Variants in RBM27 observed in about 807,000 individuals in gnomAD.
The protein encoded by RBM27 is RNA binding motif protein 27.
RBM27 carries 22 observed loss-of-function variants against 135.3 expected under a neutral mutation model. The observed-to-expected ratio is 0.16, with a 90% CI of 0.12 to 0.23. The LOEUF (loss-of-function observed/expected upper bound fraction) is 0.23, where lower values mean the gene tolerates loss of function less well. Among genes scored for constraint, RBM27 ranks in the 10% least tolerant of loss-of-function variants. The pLI, the probability that RBM27 is intolerant of heterozygous loss-of-function variation, is 1.00. For missense variants in RBM27, 1,009 were observed against 1,281.0 expected, an observed-to-expected ratio of 0.79 and a Z score of 3.24; for synonymous variants, 481 against 442.4, an observed-to-expected ratio of 1.09 and a Z score of -1.10.
intron 1 of RBM27, among the ~76,000 whole-genome samples, chr5:146,211,317 A>G (rs149918148): frequency 5.6e-4 from 85 of 152,148 alleles, no homozygotes; most frequent in African/African-American, 1.7e-3. Flanking sequence ...AGTCTAAGGT[A>G]TTTTGTTATA....
At position 146,263,619 on chromosome 5, in the gene RBM27, A is replaced by G; in HGVS notation, c.2319A>G (p.Gly773=). The part of the protein sequence containing the change: ...SHLLNQSGGA[G]EDCQIFSTPG... ...TGTTGAATCAGTCTGGTGGTGCTGGAGAAGATTGCCAGGTATGCATTTTTG... is the reference window on the plus strand; with the variant it reads ...TGTTGAATCAGTCTGGTGGTGCTGGGGAAGATTGCCAGGTATGCATTTTTG... The change falls in exon 14 of 21, where the codon GGA becomes GGG. Residue 773 remains glycine, a synonymous_variant. Coordinates refer to ENST00000265271, the MANE Select transcript of RBM27 (RefSeq NM_018989.2). 6.2e-7 allele frequency: 1 copy of G among 1,613,746 alleles called. No homozygotes were observed. The highest frequency in any genetic ancestry group is 8.5e-7 in the Non-Finnish European group (1 of 1,179,916).
intron 1 of RBM27, among the ~76,000 whole-genome samples, chr5:146,211,504 G>A (rs1429991959): frequency 1.1e-5 from 1 of 87,774 alleles, no homozygotes; most frequent in African/African-American, 3.6e-5. Context: ...TACTTTGAGA[G>A]GAGTTTCGCT....
intron 10 of RBM27, among the ~76,000 whole-genome samples, chr5:146,258,078 C>G (rs1392695477): frequency 1.3e-5 from 2 of 152,106 alleles, no homozygotes; most frequent in African/African-American, 2.4e-5. Flanking sequence ...CTCGGCCTCC[C>G]AAAGTGCTGG....
chr5:146,282,319 G>T (rs932118377), intron 19 of RBM27, among the ~76,000 whole-genome samples: 6 of 152,110 alleles, frequency 3.9e-5, no homozygotes, highest in Non-Finnish European at 5.9e-5. Flanking sequence ...TCCTCTTACT[G>T]ATGGATGTTT....
chr5:146,232,281 A>G (rs1756971218), intron 6 of RBM27, among the ~76,000 whole-genome samples: 1 of 152,186 alleles, frequency 6.6e-6, no homozygotes, highest in South Asian at 2.1e-4. Context: ...ATAGAGTCAA[A>G]TTATAATTCA....
At chr5:146,284,219 G>A (rs929380220) in intron 19 of RBM27, among the ~76,000 whole-genome samples, 1 of 152,120 alleles carries the variant, frequency 6.6e-6, no homozygotes, top group African/African-American at 2.4e-5. Flanking sequence ...GATGCAGTGA[G>A]ATGAATAAGC....
chr5:146,223,567 G>T (rs770321524), intron 3 of RBM27, 40 bp downstream of exon 3: 10 of 1,581,304 alleles, frequency 6.3e-6, no homozygotes, highest in Admixed American at 5.8e-5. Context: ...GGGCTTCTTA[G>T]ATCCTGTCAC....
rs990884103 is a variant in RBM27 at position 146,286,042 on chromosome 5, A to G, written c.*12A>G. 2.5e-6 allele frequency: 4 copies of G among 1,588,372 alleles called. No homozygotes were observed. The African/African-American group carries it at 4.1e-5, about 16-fold the overall frequency. ...CATGGCGAAGATGAAATCTGATGCT[A>G]GCTGTATAATTTTTAGGAATATTGT... On this transcript the variant is annotated 3_prime_UTR_variant, in exon 21 of 21. Transcript: ENST00000265271.
chr5:146,243,884 G>A (rs1757510745), intron 8 of RBM27, among the ~76,000 whole-genome samples: 1 of 152,088 alleles, frequency 6.6e-6, no homozygotes, highest in African/African-American at 2.4e-5. Flanking sequence ...TTCAAGGTAG[G>A]AGTTGGAGTC....
At chr5:146,208,764 TAAAA>T (rs1478103487) in intron 1 of RBM27, among the ~76,000 whole-genome samples, 1 of 152,188 alleles carries the variant, frequency 6.6e-6, no homozygotes, top group African/African-American at 2.4e-5. Flanking sequence ...TCTGCAAGTT[TAAAA>T]AAAGATCAGG....
At chr5:146,265,274 A>G (rs1758566843) in intron 14 of RBM27, among the ~76,000 whole-genome samples, 2 of 152,228 alleles carry the variant, frequency 1.3e-5, no homozygotes, top group Non-Finnish European at 2.9e-5. Flanking sequence ...AAGAATGAAG[A>G]ATATTTTTAT....
chr5:146,272,073 T>C (rs577044126), intron 19 of RBM27, among the ~76,000 whole-genome samples: 2 of 152,338 alleles, frequency 1.3e-5, no homozygotes, highest in African/African-American at 4.8e-5. Context: ...TAGGCAAACA[T>C]GCAAATAGAG....
At chr5:146,267,032 TA>T (rs1478561764) in intron 14 of RBM27, among the ~76,000 whole-genome samples, 1 of 152,196 alleles carries the variant, frequency 6.6e-6, no homozygotes, top group African/African-American at 2.4e-5. Flanking sequence ...GCACTTCACT[TA>T]CGAAAAACAA....
intron 19 of RBM27, among the ~76,000 whole-genome samples, chr5:146,273,531 C>G (rs1257754676): frequency 6.6e-6 from 1 of 151,984 alleles, no homozygotes; most frequent in African/African-American, 2.4e-5. Context: ...AGCATACTAT[C>G]AGAAAGGGTA....
intron 20 of RBM27, among the ~76,000 whole-genome samples, chr5:146,285,077 C>T (rs1194511102): frequency 6.6e-6 from 1 of 151,940 alleles, no homozygotes; most frequent in Non-Finnish European, 1.5e-5. Context: ...ATTCAAGTTC[C>T]ATAGTAATAG....
At chr5:146,210,140 T>G (rs1032302928) in intron 1 of RBM27, among the ~76,000 whole-genome samples, 1 of 152,212 alleles carries the variant, frequency 6.6e-6, no homozygotes, top group Non-Finnish European at 1.5e-5. Context: ...CAAGGTCTGT[T>G]TTGTTTAAAG....
chr5:146,251,960 A>T (rs892133526), intron 9 of RBM27, 85 bp downstream of exon 9: 2 of 1,398,862 alleles, frequency 1.4e-6, no homozygotes, highest in South Asian at 2.5e-5. Flanking sequence ...TGGCATCCTG[A>T]TCTGCTGTTA....
chr5:146,270,955 C>T lies in RBM27; in HGVS notation c.2693C>T (p.Ala898Val). Residue 898 changes from alanine to valine, a missense_variant and splice_region_variant, in exon 18 of 21, where the codon GCC becomes GTC. Physicochemically the swap from Ala to Val is moderately conservative, Grantham distance 64. Around this residue, in one of 6 missense-constraint regions of RBM27, gnomAD observed 355 missense variants for 427.3 expected, o/e 0.83. Transcript: ENST00000265271. ...TPSKVKTKTE[A>V]QKELLDTELD... Reference sequence around the variant, plus strand: ...TTTTTATTTTCAATTTTTCCAAAGGCCCAGAAGGAGTTATTAGATACTGAA... The same window carrying T: ...TTTTTATTTTCAATTTTTCCAAAGGTCCAGAAGGAGTTATTAGATACTGAA... 6.2e-7 allele frequency: 1 copy of T among 1,604,048 alleles called. No individual in the cohort carries two copies. Among genetic ancestry groups the T allele is most frequent in the Non-Finnish European group, 8.5e-7 (1 of 1,172,410 alleles).
intron 7 of RBM27, among the ~76,000 whole-genome samples, chr5:146,236,277 A>T (rs889842926): frequency 1.3e-5 from 2 of 152,238 alleles, no homozygotes; most frequent in Non-Finnish European, 2.9e-5. Context: ...ATGTTAGCAC[A>T]TATCTTTCCG....
Sources: gnomAD v4.1 joint callset for allele counts (sites outside exome capture counted in the v4.1 genomes callset) on GRCh38, gnomAD v4.1.1 for gene constraint, gnomAD v4.1.1 regional missense constraint, MANE v1.5 for transcripts, NCBI Gene and HGNC (gene_info 2026-07-23, HGNC 2026-07-21) for gene names.